The following THSD4 variants were observed in gnomAD, a reference collection of about 807,000 sequenced individuals.
THSD4 encodes thrombospondin type 1 domain containing 4.
Under a neutral mutation model 119.0 loss-of-function variants are expected in THSD4, and 69 were observed. The ratio of observed to expected loss-of-function variants is 0.58; its 90% confidence interval spans 0.48 to 0.71. THSD4 has a LOEUF of 0.71. THSD4 is among the 30% of genes least tolerant of loss of function. The pLI is 0.00. For missense variants in THSD4, 1,393 were observed against 1,391.1 expected (o/e 1.00, Z -0.02); for synonymous variants, 524 against 540.4 (o/e 0.97, Z 0.42).
intron 8 of THSD4, among the ~76,000 whole-genome samples, chr15:71,694,895 C>T (rs1206110579): frequency 6.6e-6 from 1 of 152,070 alleles, no homozygotes; most frequent in African/African-American, 2.4e-5. Context: ...CACCTGGCCA[C>T]CAGGATGGTC....
intron 6 of THSD4, among the ~76,000 whole-genome samples, chr15:71,395,914 G>GAC (rs58433075): frequency 0.2 from 25,979 of 133,168 alleles, 2,781 homozygotes; most frequent in East Asian, 0.56. Flanking sequence ...TTTGAAGAGA[G>GAC]ACACACACAC....
At chr15:71,580,818 G>A (rs2049544065) in intron 7 of THSD4, among the ~76,000 whole-genome samples, 1 of 151,884 alleles carries the variant, frequency 6.6e-6, no homozygotes, top group Non-Finnish European at 1.5e-5. Context: ...CAAATGGCAG[G>A]ATTTTCTTCT....
chr15:71,101,976 G>A (rs1012199827), intron 1 of THSD4, among the ~76,000 whole-genome samples: 2 of 152,150 alleles, frequency 1.3e-5, no homozygotes, highest in East Asian at 3.9e-4. Flanking sequence ...GCCGCCCAAA[G>A]TGCTGGGATT....
At chr15:71,639,937 A>T (rs1369816522) in intron 7 of THSD4, among the ~76,000 whole-genome samples, 2 of 152,182 alleles carry the variant, frequency 1.3e-5, no homozygotes, top group African/African-American at 4.8e-5. Context: ...CTTTAGCTTC[A>T]TGAGAAATAA....
At chr15:71,674,675 A>C (rs372080674) in intron 8 of THSD4, among the ~76,000 whole-genome samples, 2 of 152,082 alleles carry the variant, frequency 1.3e-5, no homozygotes, top group South Asian at 2.1e-4. Flanking sequence ...TCCCTATGTC[A>C]GTAGGTGTCA....
intron 7 of THSD4, among the ~76,000 whole-genome samples, chr15:71,652,204 G>A (rs2051104355): frequency 6.6e-6 from 1 of 152,086 alleles, no homozygotes; most frequent in Non-Finnish European, 1.5e-5. Context: ...TCCTAGTCTT[G>A]ACCCCTTATC....
At chr15:71,518,241 G>A (rs911974323) in intron 7 of THSD4, among the ~76,000 whole-genome samples, 2 of 151,428 alleles carry the variant, frequency 1.3e-5, no homozygotes, top group Non-Finnish European at 1.5e-5. Context: ...TACTCAGTTA[G>A]GCTGTGGAAA....
chr15:71,306,709 C>T (rs774406355), intron 6 of THSD4, among the ~76,000 whole-genome samples: 71 of 152,280 alleles, frequency 4.7e-4, no homozygotes, highest in Non-Finnish European at 7.2e-4. Context: ...TATAATCTTA[C>T]CATCTTGACA....
At chr15:71,552,486 A>G (rs1319907356) in intron 7 of THSD4, among the ~76,000 whole-genome samples, 1 of 152,210 alleles carries the variant, frequency 6.6e-6, no homozygotes, top group Non-Finnish European at 1.5e-5. Flanking sequence ...CTTAATGACT[A>G]TTTCGTGGTA....
intron 6 of THSD4, among the ~76,000 whole-genome samples, chr15:71,385,500 T>C (rs933536591): frequency 2.0e-5 from 3 of 152,198 alleles, no homozygotes; most frequent in Non-Finnish European, 4.4e-5. Context: ...GACTGGACAC[T>C]TATGGACACA....
intron 1 of THSD4, among the ~76,000 whole-genome samples, chr15:71,137,488 A>C (rs2040561902): frequency 6.6e-6 from 1 of 152,208 alleles, no homozygotes; most frequent in Non-Finnish European, 1.5e-5. Context: ...CACAGTAAGA[A>C]ATACCCTTAT....
intron 11 of THSD4, among the ~76,000 whole-genome samples, chr15:71,740,539 G>A (rs2053214794): frequency 6.6e-6 from 1 of 152,140 alleles, no homozygotes; most frequent in Non-Finnish European, 1.5e-5. Flanking sequence ...CTTGTGTTGT[G>A]AGCAGGATGA....
intron 7 of THSD4, among the ~76,000 whole-genome samples, chr15:71,594,642 G>A (rs1219247211): frequency 6.6e-6 from 1 of 152,124 alleles, no homozygotes; most frequent in African/African-American, 2.4e-5. Context: ...TGCTTCCCAG[G>A]CTTCAGCAGC....
At chr15:71,358,924 G>T (rs1379229797) in intron 6 of THSD4, among the ~76,000 whole-genome samples, 3 of 152,184 alleles carry the variant, frequency 2.0e-5, no homozygotes, top group African/African-American at 7.2e-5. Context: ...TGGCAAAAAT[G>T]AGTTCCTCTG....
At chr15:71,753,809 G>A (rs1302998740) in intron 14 of THSD4, among the ~76,000 whole-genome samples, 1 of 152,136 alleles carries the variant, frequency 6.6e-6, no homozygotes, top group Non-Finnish European at 1.5e-5. Context: ...TACACTTGTT[G>A]GGCTTTTCAC....
chr15:71,603,495 C>A (rs2050052167), intron 7 of THSD4, among the ~76,000 whole-genome samples: 1 of 152,166 alleles, frequency 6.6e-6, no homozygotes, highest in Non-Finnish European at 1.5e-5. Flanking sequence ...CCAAGTGGGT[C>A]ATGAGATGCG....
rs1322468576 is a variant in THSD4, at chr15:71,416,677, ATTTAT to A, written c.1152+4863_1152+4867del. ...TTTATTGAAATCGCTTGCCCATTTTATTTATTTTATTTTGTTTCATTTTATTTTAT... is the reference window on the plus strand; with the variant it reads ...TTTATTGAAATCGCTTGCCCATTTTATTTATTTTGTTTCATTTTATTTTAT... On this transcript the variant is annotated intron_variant, in intron 7 of 17. Transcript: ENST00000261862. Among the ~76,000 whole-genome samples the A allele has an allele frequency of 6.7e-5, 7 of 105,080 alleles. 3 individuals carry two copies. The South Asian group carries it at 1.8e-3, about 27-fold the overall frequency. The allele number at this position is 105,080 out of a possible 152,430, so 68.9% of individuals were successfully genotyped here.
intron 16 of THSD4, among the ~76,000 whole-genome samples, chr15:71,768,277 C>CA (rs112135859): frequency 6.9e-4 from 34 of 49,332 alleles, no homozygotes; most frequent in Non-Finnish European, 8.2e-4. Context: ...CAAAAAAAAC[C>CA]AAAAAAAAAC....
intron 7 of THSD4, among the ~76,000 whole-genome samples, chr15:71,475,334 A>T (rs979201589): frequency 3.9e-5 from 6 of 152,204 alleles, no homozygotes; most frequent in Non-Finnish European, 8.8e-5. Flanking sequence ...ATTTTCATAG[A>T]TATTGCCAAA....
Sources: gnomAD v4.1 joint callset for allele counts (sites outside exome capture counted in the v4.1 genomes callset) on GRCh38, gnomAD v4.1.1 for gene constraint, MANE v1.5 for transcripts, NCBI Gene and HGNC (gene_info 2026-07-23, HGNC 2026-07-21) for gene names.